Variants in PACRG observed in about 807,000 individuals in gnomAD.
PACRG encodes parkin coregulated.
In PACRG, 29 loss-of-function variants were observed where a neutral mutation model predicts 29.7. The ratio of observed to expected loss-of-function variants is 0.98; its 90% CI spans 0.73 to 1.33. The LOEUF is 1.33. Ranked by LOEUF, PACRG falls within the 40% of genes most tolerant of loss-of-function variation. The probability of loss-of-function intolerance (pLI) is 0.00; values close to 1 mark genes in which losing one functional copy is unlikely to be tolerated. For missense variants in PACRG, 279 were observed against 316.2 expected (o/e 0.88, Z 0.89); for synonymous variants, 116 against 118.7 (o/e 0.98, Z 0.15).
chr6:162,824,794 A>C (rs558507967), intron 2 of PACRG, among the ~76,000 whole-genome samples: 55 of 152,354 alleles, frequency 3.6e-4, no homozygotes, highest in Non-Finnish European at 6.3e-4. Flanking sequence ...CTTATTGACT[A>C]GAATAGATCA....
chr6:162,917,541 G>T (rs1260588328), intron 2 of PACRG, among the ~76,000 whole-genome samples: 1 of 152,210 alleles, frequency 6.6e-6, no homozygotes, highest in Non-Finnish European at 1.5e-5. Flanking sequence ...AGAAAAATTA[G>T]AAGAGATAGA....
intron 4 of PACRG, among the ~76,000 whole-genome samples, chr6:163,188,933 G>A (rs576700702): frequency 3.3e-5 from 5 of 152,292 alleles, no homozygotes; most frequent in African/African-American, 4.8e-5. Context: ...ACGCTAGAAC[G>A]TGAAAAACAT....
chr6:163,030,827 G>A (rs1331498282), intron 2 of PACRG, among the ~76,000 whole-genome samples: 2 of 152,172 alleles, frequency 1.3e-5, no homozygotes, highest in Non-Finnish European at 2.9e-5. Context: ...CAGTGAGGAC[G>A]ACCAGAGGTC....
intron 4 of PACRG, among the ~76,000 whole-genome samples, chr6:163,152,357 G>T (rs1464088566): frequency 1.3e-5 from 2 of 152,142 alleles, no homozygotes; most frequent in Non-Finnish European, 2.9e-5. Context: ...TGTTACATCT[G>T]GGGTCTTTGA....
At chr6:162,972,099 A>T (rs756932818) in intron 2 of PACRG, among the ~76,000 whole-genome samples, 1 of 152,208 alleles carries the variant, frequency 6.6e-6, no homozygotes, top group Admixed American at 6.5e-5. Context: ...GAAACCCAGC[A>T]TGCAGCCCTA....
chr6:163,302,655 T>G (rs1249701900), intron 4 of PACRG, among the ~76,000 whole-genome samples: 1 of 152,228 alleles, frequency 6.6e-6, no homozygotes, highest in African/African-American at 2.4e-5. Flanking sequence ...TGGAAATCTA[T>G]TCAAATTTTG....
chr6:162,770,640 C>A (rs1236242147), intron 1 of PACRG, among the ~76,000 whole-genome samples: 3 of 152,146 alleles, frequency 2.0e-5, no homozygotes, highest in Non-Finnish European at 4.4e-5. Context: ...TTGTTATATA[C>A]ACCTGCATTT....
At chr6:163,158,300 C>G (rs1222386588) in intron 4 of PACRG, among the ~76,000 whole-genome samples, 16 of 152,170 alleles carry the variant, frequency 1.1e-4, no homozygotes, top group Admixed American at 1.0e-3. Flanking sequence ...TAAAAGCAAT[C>G]CCGGTGATGA....
At chr6:162,758,161 T>C (rs987277144) in intron 1 of PACRG, among the ~76,000 whole-genome samples, 1 of 152,162 alleles carries the variant, frequency 6.6e-6, no homozygotes, top group Non-Finnish European at 1.5e-5. Flanking sequence ...TACTACAGTT[T>C]TATTATTAGC....
At position 162,862,169 on chromosome 6, in the gene PACRG, T is replaced by C. The variant is rs374692911; in HGVS notation, c.291+47888T>C. ...GGTGACTCAAAAGTTTGGAAGGTGTTTCAAGATTTAGAAGGCAGGATTCAG... is the reference window on the plus strand; with the variant it reads ...GGTGACTCAAAAGTTTGGAAGGTGTCTCAAGATTTAGAAGGCAGGATTCAG... On this transcript the variant is annotated intron_variant, in intron 2 of 4. Transcript: ENST00000366888. Among the ~76,000 whole-genome samples the C allele has an allele frequency of 9.9e-5, 15 of 152,228 alleles. No individual in the cohort carries two copies. In the South Asian group the frequency reaches 3.1e-3, roughly 32 times the overall value.
At chr6:162,978,598 C>T (rs924594137) in intron 2 of PACRG, among the ~76,000 whole-genome samples, 12 of 152,072 alleles carry the variant, frequency 7.9e-5, no homozygotes, top group Non-Finnish European at 1.5e-4. Context: ...AGGATATTAA[C>T]TTTTTCTTCA....
At chr6:163,023,806 T>C (rs2128222427) in intron 2 of PACRG, among the ~76,000 whole-genome samples, 1 of 152,314 alleles carries the variant, frequency 6.6e-6, no homozygotes, top group African/African-American at 2.4e-5. Flanking sequence ...TGGTTTTGAT[T>C]TGCATTTCTC....
chr6:163,180,261 G>T (rs58970598), intron 4 of PACRG, among the ~76,000 whole-genome samples: 1 of 152,262 alleles, frequency 6.6e-6, no homozygotes, highest in Admixed American at 6.5e-5. Context: ...GTCCCTCACC[G>T]AGCTGATCCT....
intron 2 of PACRG, among the ~76,000 whole-genome samples, chr6:162,942,867 G>A (rs1798730635): frequency 6.6e-6 from 1 of 152,172 alleles, no homozygotes; most frequent in Admixed American, 6.5e-5. Flanking sequence ...ATAGTGAGTA[G>A]ATAATCAAAC....
chr6:163,109,796 AT>A lies in PACRG; in HGVS notation c.613+20391del, dbSNP rs370754550. 2.5e-3 allele frequency among the ~76,000 whole-genome samples: 385 copies of A among 152,344 alleles called. 2 individuals are homozygous for A. Among genetic ancestry groups the A allele is most frequent in the Middle Eastern group, 0.017 (5 of 294 alleles). ...TAAAGAATTCTTCACTTTGTTAAGA[AT>A]TTACATGATGACTCTTTCTGTGGTA... On this transcript the variant is annotated intron_variant, in intron 4 of 4. Transcript: ENST00000366888.
chr6:162,962,477 A>G (rs1433284529), intron 2 of PACRG, among the ~76,000 whole-genome samples: 1 of 152,164 alleles, frequency 6.6e-6, no homozygotes, highest in Non-Finnish European at 1.5e-5. Context: ...CCCCAATGTG[A>G]TAGCATTTGG....
At chr6:162,769,069 A>T (rs1050060281) in intron 1 of PACRG, among the ~76,000 whole-genome samples, 2 of 152,136 alleles carry the variant, frequency 1.3e-5, no homozygotes, top group African/African-American at 2.4e-5. Context: ...ACCATGGTAA[A>T]TGTGGAGGCA....
At chr6:163,215,492 T>C (rs1187120298) in intron 4 of PACRG, among the ~76,000 whole-genome samples, 1 of 152,240 alleles carries the variant, frequency 6.6e-6, no homozygotes, top group Non-Finnish European at 1.5e-5. Context: ...ATTAATCTAA[T>C]GCCAAATTTA....
At chr6:162,730,068 T>TC (rs1779640108) in intron 1 of PACRG, among the ~76,000 whole-genome samples, 1 of 152,020 alleles carries the variant, frequency 6.6e-6, no homozygotes. Context: ...TCTCTCTTTT[T>TC]TTTTTTTTTA....
Sources: allele counts gnomAD v4.1 joint callset (sites outside exome capture counted in the v4.1 genomes callset), GRCh38; gene constraint gnomAD v4.1.1; transcripts MANE v1.5; gene names NCBI Gene and HGNC (gene_info 2026-07-23, HGNC 2026-07-21).